Variants in PTPRN2 observed in about 807,000 individuals in gnomAD.
PTPRN2 encodes receptor-type tyrosine-protein phosphatase N2.
In PTPRN2, 74 loss-of-function variants were observed where a neutral mutation model predicts 118.8. The observed-to-expected ratio is 0.62, with a 90% confidence interval of 0.52 to 0.76. PTPRN2 has a LOEUF of 0.76. Among genes scored for constraint, PTPRN2 ranks in the 30% least tolerant of loss-of-function variants. PTPRN2 has a pLI of 0.00. For synonymous variants in PTPRN2, 641 were observed against 608.0 expected, an observed-to-expected ratio of 1.05 and a Z score of -0.80; for missense variants, 1,481 against 1,394.4, an observed-to-expected ratio of 1.06 and a Z score of -0.99.
At chr7:157,692,497 C>T (rs1275573180) in intron 12 of PTPRN2, among the ~76,000 whole-genome samples, 1 of 152,216 alleles carries the variant, frequency 6.6e-6, no homozygotes, top group Admixed American at 6.5e-5. Flanking sequence ...AGTACGGTGC[C>T]GTCCGCTGCA....
rs559807298 is a variant in PTPRN2, at chr7:158,321,102, G to A, written c.164-4170C>T. ...AAAGCATCAGGTGCGATGAGACTCC[G>A]GAGTCGGGACGCCAGGGGTGATCTA... On this transcript the variant is annotated intron_variant, in intron 2 of 22. Coordinates refer to ENST00000389418, the MANE Select transcript of PTPRN2 (RefSeq NM_002847.5). 1.1e-4 allele frequency among the ~76,000 whole-genome samples: 16 copies of A among 143,398 alleles called. No homozygotes were observed. In the South Asian group the frequency reaches 1.1e-3, roughly 10 times the overall value. 94.1% of individuals were successfully genotyped at this position (143,398 alleles called of 152,430 possible).
chr7:157,762,135 C>A (rs1802170006), intron 12 of PTPRN2, among the ~76,000 whole-genome samples: 1 of 152,084 alleles, frequency 6.6e-6, no homozygotes, highest in African/African-American at 2.4e-5. Flanking sequence ...AACACTTTTA[C>A]ACTGTTGGTG....
At chr7:158,125,622 C>A (rs4909256) in intron 9 of PTPRN2, among the ~76,000 whole-genome samples, 101,869 of 152,116 alleles carry the variant, frequency 0.67, 35,037 homozygotes, top group African/African-American at 0.82. Context: ...CATCATGCTA[C>A]AGATATTCTT....
chr7:158,048,729 C>G (rs933855252), intron 11 of PTPRN2, among the ~76,000 whole-genome samples: 2 of 152,146 alleles, frequency 1.3e-5, no homozygotes, highest in African/African-American at 4.8e-5. Flanking sequence ...ATATCACCAC[C>G]ATCACCATCA....
chr7:158,448,461 A>G (rs2129437406), intron 2 of PTPRN2, among the ~76,000 whole-genome samples: 1 of 140,738 alleles, frequency 7.1e-6, no homozygotes. Context: ...GTCTCCGCAG[A>G]CCCAGGTCTG....
Position 157,780,155 on chromosome 7 carries a change from C to A in PTPRN2, c.1789-97218G>T, listed in dbSNP as rs61415710. ...ACTGTCTTTGTTTATGATCCCACCA[C>A]GTATCTCTACTATTAAAGAATTAGC... On this transcript the variant is annotated intron_variant, in intron 12 of 22. Coordinates refer to ENST00000389418, the MANE Select transcript of PTPRN2 (RefSeq NM_002847.5). This position sits in a 1 kb window ranked among gnomAD's most constrained non-coding sequence, Gnocchi z 4.5. Among the ~76,000 whole-genome samples, 2 of 152,172 alleles carry A rather than the reference C, an allele frequency of 1.3e-5. No homozygotes were observed. The highest frequency in any genetic ancestry group is 2.9e-5 in the Non-Finnish European group (2 of 68,042).
chr7:157,752,503 C>T (rs1801537005), intron 12 of PTPRN2, among the ~76,000 whole-genome samples: 1 of 152,168 alleles, frequency 6.6e-6, no homozygotes, highest in South Asian at 2.1e-4. Flanking sequence ...GGCTGTCGCC[C>T]TTTTGTGCTG....
At chr7:157,840,323 G>A (rs1808312585) in intron 12 of PTPRN2, among the ~76,000 whole-genome samples, 1 of 134,686 alleles carries the variant, frequency 7.4e-6, no homozygotes, top group Non-Finnish European at 1.6e-5. Flanking sequence ...ACGTGTGACT[G>A]TGTGACCGCG....
chr7:158,085,953 G>A lies in PTPRN2; in HGVS notation c.1644-4576C>T, dbSNP rs375246045. On this transcript the variant is annotated intron_variant, in intron 10 of 22. Coordinates refer to ENST00000389418, the MANE Select transcript of PTPRN2 (RefSeq NM_002847.5). ...CATGACGCCCATCCACATACACGAC[G>A]CCCATCCACACACACGACGCCCATC... Among the ~76,000 whole-genome samples the A allele has an allele frequency of 1.0e-4, 15 of 150,360 alleles. No individual in the cohort carries two copies. In the South Asian group the frequency reaches 1.5e-3, roughly 15 times the overall value.
At chr7:157,846,951 T>C (rs1438720944) in intron 12 of PTPRN2, among the ~76,000 whole-genome samples, 28 of 142,988 alleles carry the variant, frequency 2.0e-4, no homozygotes, top group South Asian at 4.6e-4. Flanking sequence ...CTCCTTCATG[T>C]GTGCCCAATG....
intron 1 of PTPRN2, among the ~76,000 whole-genome samples, chr7:158,556,698 C>T (rs529106167): frequency 3.9e-5 from 6 of 152,278 alleles, no homozygotes; most frequent in African/African-American, 7.2e-5. Flanking sequence ...GCAGCTCCCG[C>T]GCAGGTCAGA....
intron 12 of PTPRN2, among the ~76,000 whole-genome samples, chr7:157,885,290 G>A (rs935723573): frequency 1.3e-5 from 2 of 152,174 alleles, no homozygotes; most frequent in African/African-American, 4.8e-5. Context: ...GAGCAAGGCT[G>A]CCCTTACACC....
At chr7:157,614,396 CACTAAAAGA>C (rs1378035817) in intron 15 of PTPRN2, among the ~76,000 whole-genome samples, 1 of 151,946 alleles carries the variant, frequency 6.6e-6, no homozygotes, top group African/African-American at 2.4e-5. Flanking sequence ...GGAAAGTGGT[CACTAAAAGA>C]ACAGCTTTAT....
Position 157,585,166 on chromosome 7 carries a change from A to AC in PTPRN2, c.2497-7027dup, listed in dbSNP as rs200009602. Among the ~76,000 whole-genome samples the AC allele has an allele frequency of 0.012, 1,881 of 151,888 alleles. 38 individuals are homozygous for AC. Among genetic ancestry groups the AC allele is most frequent in the African/African-American group, 0.043 (1,786 of 41,410 alleles). On this transcript the variant is annotated intron_variant, in intron 17 of 22. Transcript: ENST00000389418. The surrounding 1 kb of genome is among the most constrained non-coding windows in gnomAD (Gnocchi z 5.2). ...GGCTGATGAGGGGGCAGCGGGAGGA[A>AC]CCCCCCTGTGCCGCTATCAGATCGA...
At chr7:158,155,531 A>ATC (rs1821656312) in intron 6 of PTPRN2, among the ~76,000 whole-genome samples, 1 of 117,076 alleles carries the variant, frequency 8.5e-6, no homozygotes, top group East Asian at 2.6e-4. Flanking sequence ...CATCACCATC[A>ATC]GCACTATCAT....
Position 157,668,108 on chromosome 7 carries a change from G to A in PTPRN2, c.2002-11557C>T, listed in dbSNP as rs866870920. ...CACAGTCCTCGCTCGCCGTAGAGCC[G>A]CCTGCTCCTCTGCTGTGCCCAGGCC... is the stretch of plus-strand genomic sequence containing the variant. On this transcript the variant is annotated intron_variant, in intron 13 of 22. Coordinates refer to ENST00000389418, the MANE Select transcript of PTPRN2 (RefSeq NM_002847.5). Among the ~76,000 whole-genome samples the A allele has an allele frequency of 5.3e-5, 8 of 152,372 alleles. No individual in the cohort carries two copies. The South Asian group carries it at 6.2e-4, about 12-fold the overall frequency.
intron 12 of PTPRN2, among the ~76,000 whole-genome samples, chr7:157,754,029 G>T (rs1016147086): frequency 1.4e-4 from 21 of 152,262 alleles, no homozygotes; most frequent in Admixed American, 7.8e-4. Context: ...TCTGAAGTGG[G>T]TGCTGGTGAG....
intron 3 of PTPRN2, among the ~76,000 whole-genome samples, chr7:158,281,823 C>A (rs968443153): frequency 6.6e-6 from 1 of 152,220 alleles, no homozygotes; most frequent in Non-Finnish European, 1.5e-5. Flanking sequence ...TGGGTAAAGC[C>A]AGAATAAACC....
At chr7:158,036,165 G>C (rs28699487) in intron 11 of PTPRN2, among the ~76,000 whole-genome samples, 1 of 151,900 alleles carries the variant, frequency 6.6e-6, no homozygotes, top group Non-Finnish European at 1.5e-5. Context: ...TAACATATAC[G>C]GAGATATGCA....
Sources: allele counts gnomAD v4.1 joint callset (sites outside exome capture counted in the v4.1 genomes callset), GRCh38; gene constraint gnomAD v4.1.1; non-coding constraint Gnocchi (gnomAD v3.1); transcripts MANE v1.5; gene names NCBI Gene and HGNC (gene_info 2026-07-23, HGNC 2026-07-21).